Variants in SASH1 observed in about 807,000 individuals in gnomAD.
SASH1 encodes SAM and SH3 domain containing 1.
Under a neutral mutation model 125.2 loss-of-function variants are expected in SASH1, and 44 were observed. The observed-to-expected ratio is 0.35, with a 90% CI of 0.28 to 0.45. SASH1 has a LOEUF of 0.45. SASH1 is among the 20% of genes least tolerant of loss of function. The probability of loss-of-function intolerance (pLI) is 1.00; values close to 1 mark genes in which losing one functional copy is unlikely to be tolerated. For missense variants in SASH1, 1,426 were observed against 1,614.5 expected (o/e 0.88, Z 2.00); for synonymous variants, 639 against 649.1 (o/e 0.98, Z 0.24).
intron 17 of SASH1, among the ~76,000 whole-genome samples, chr6:148,542,928 T>C (rs1782320457): frequency 6.6e-6 from 1 of 152,154 alleles, no homozygotes; most frequent in South Asian, 2.1e-4. Context: ...CAGCACATTG[T>C]CTGGCCCATG....
intron 4 of SASH1, among the ~76,000 whole-genome samples, chr6:148,446,978 C>A (rs1326747906): frequency 6.6e-6 from 1 of 152,152 alleles, no homozygotes; most frequent in Non-Finnish European, 1.5e-5. Flanking sequence ...AAATCGTGTT[C>A]GTTAGCATCA....
chr6:148,531,579 C>T lies in SASH1; in HGVS notation c.1482C>T (p.Pro494=), dbSNP rs201382887. ...PGSPPPSQPD[P]EHLDKPKLKA... Reference sequence around the variant, plus strand: ...CCCCTCCGCCTTCACAGCCCGACCCCGAACACTTGGACAAGCCCAAGCTCA... The same window carrying T: ...CCCCTCCGCCTTCACAGCCCGACCCTGAACACTTGGACAAGCCCAAGCTCA... The change falls in exon 13 of 20, where the codon CCC becomes CCT. Residue 494 remains proline, a synonymous_variant. Transcript: ENST00000367467. The T allele has an allele frequency of 4.6e-5, 73 of 1,575,534 alleles. No individual in the cohort carries two copies. The highest frequency in any genetic ancestry group is 6.0e-5 in the Non-Finnish European group (70 of 1,159,990).
chr6:148,438,191 G>A (rs776758575), intron 2 of SASH1, among the ~76,000 whole-genome samples: 5 of 152,154 alleles, frequency 3.3e-5, no homozygotes, highest in African/African-American at 4.8e-5. Flanking sequence ...ATCACTCTGA[G>A]TTCTCTGTAC....
intron 10 of SASH1, chr6:148,520,231 T>A: frequency 4.0e-6 from 1 of 248,638 alleles, no homozygotes. Flanking sequence ...ACCCAGCTAG[T>A]GCGGCCTGCC....
intron 1 of SASH1, among the ~76,000 whole-genome samples, chr6:148,328,373 TC>T (rs1474378137): frequency 6.6e-6 from 1 of 152,072 alleles, no homozygotes; most frequent in African/African-American, 2.4e-5. Flanking sequence ...GGCAGGCAGA[TC>T]ACAAGGTCAG....
chr6:148,242,073 A>T, the SASH1 span, among the ~76,000 whole-genome samples: 17 of 152,328 alleles, frequency 1.1e-4, no homozygotes, highest in Non-Finnish European at 2.4e-4. Context: ...TTGGTGCCTT[A>T]GTTGTTTCCA....
intron 4 of SASH1, among the ~76,000 whole-genome samples, chr6:148,466,411 C>T (rs1158749843): frequency 6.6e-6 from 1 of 152,212 alleles, no homozygotes; most frequent in Non-Finnish European, 1.5e-5. Flanking sequence ...GGTCAGCCCA[C>T]ACCAGTGCAG....
At chr6:148,257,481 G>A in the SASH1 span, among the ~76,000 whole-genome samples, 13 of 152,130 alleles carry the variant, frequency 8.5e-5, no homozygotes, top group Admixed American at 2.0e-4. Flanking sequence ...GACTTCCGTC[G>A]CCAATTCCTT....
chr6:148,368,663 A>G (rs1295173645), intron 1 of SASH1, among the ~76,000 whole-genome samples: 1 of 152,124 alleles, frequency 6.6e-6, no homozygotes, highest in African/African-American at 2.4e-5. Flanking sequence ...GAAATGATGT[A>G]CAAGAATACC....
At chr6:148,368,760 GCA>G (rs1391322609) in intron 1 of SASH1, among the ~76,000 whole-genome samples, 34 of 14,950 alleles carry the variant, frequency 2.3e-3, no homozygotes, top group African/African-American at 6.5e-3. Flanking sequence ...ACATGCGCGC[GCA>G]CGCGCGCGCA....
At chr6:148,492,995 A>T (rs1367517221) in intron 8 of SASH1, among the ~76,000 whole-genome samples, 1 of 152,166 alleles carries the variant, frequency 6.6e-6, no homozygotes, top group African/African-American at 2.4e-5. Flanking sequence ...TCTTAGTTAG[A>T]CCTAGGGCCA....
rs3817930 is a variant in SASH1 at position 148,487,276 on chromosome 6, G to A, written c.628-338G>A. ...ATTACAGACAATTTCTTTATAATCA[G>A]GCTGAGGAAACAGAAGTTTTGATGT... On this transcript the variant is annotated intron_variant, in intron 7 of 19. Transcript: ENST00000367467. Among the ~76,000 whole-genome samples, 108,146 of 151,220 alleles carry A rather than the reference G, an allele frequency of 0.72. 39,195 individuals are homozygous for A. The highest frequency in any genetic ancestry group is 0.83 in the African/African-American group (34,230 of 41,228).
chr6:148,377,423 T>C (rs912666406), intron 1 of SASH1, among the ~76,000 whole-genome samples: 2 of 152,202 alleles, frequency 1.3e-5, no homozygotes, highest in African/African-American at 2.4e-5. Context: ...TGTGAGACTT[T>C]AATTAAGCCC....
At chr6:148,511,197 C>T (rs1431866531) in intron 8 of SASH1, among the ~76,000 whole-genome samples, 2 of 150,178 alleles carry the variant, frequency 1.3e-5, no homozygotes, top group African/African-American at 4.9e-5. Context: ...CGCTTTTTTC[C>T]TCTGGACTCA....
chr6:148,209,703 T>C, the SASH1 span, among the ~76,000 whole-genome samples: 72 of 152,300 alleles, frequency 4.7e-4, no homozygotes, highest in African/African-American at 1.7e-3. Context: ...AAATGCATTT[T>C]AGCACCTCTC....
intron 2 of SASH1, among the ~76,000 whole-genome samples, chr6:148,421,445 A>G (rs1418267814): frequency 1.3e-5 from 2 of 152,242 alleles, no homozygotes; most frequent in Admixed American, 1.3e-4. Flanking sequence ...CTGGGACTAC[A>G]GGCCTGTGCC....
intron 4 of SASH1, among the ~76,000 whole-genome samples, chr6:148,450,447 T>G (rs899926887): frequency 6.6e-6 from 1 of 152,150 alleles, no homozygotes; most frequent in Non-Finnish European, 1.5e-5. Flanking sequence ...TTTCATGCAT[T>G]GGAAGCATTT....
intron 2 of SASH1, among the ~76,000 whole-genome samples, chr6:148,402,175 C>T (rs1784194847): frequency 6.6e-6 from 1 of 152,182 alleles, no homozygotes; most frequent in Non-Finnish European, 1.5e-5. Flanking sequence ...AGTTTCACTT[C>T]ACATGTCTAA....
rs374374360 is a variant in SASH1 at position 148,544,101 on chromosome 6, G to A, written c.2631G>A (p.Thr877=). 4.2e-5 allele frequency: 68 copies of A among 1,613,908 alleles called. No individual in the cohort carries two copies. Among genetic ancestry groups the A allele is most frequent in the Middle Eastern group, 1.6e-4 (1 of 6,084 alleles). ...EVPQKTTASS[T]KAQPLEQDSA... is the part of the protein sequence containing the mutation. ...CACAGAAGACGACCGCCTCTTCCACGAAGGCCCAGCCCCTGGAGCAAGACT... is the reference window on the plus strand; with the variant it reads ...CACAGAAGACGACCGCCTCTTCCACAAAGGCCCAGCCCCTGGAGCAAGACT... The change falls in exon 18 of 20, where the codon ACG becomes ACA. Residue 877 remains threonine, a synonymous_variant. Coordinates refer to ENST00000367467, the MANE Select transcript of SASH1 (RefSeq NM_015278.5). This position sits in a 1 kb window ranked among gnomAD's most constrained non-coding sequence, Gnocchi z 6.4.
Sources: gnomAD v4.1 joint callset for allele counts (sites outside exome capture counted in the v4.1 genomes callset) on GRCh38, gnomAD v4.1.1 for gene constraint, Gnocchi (gnomAD v3.1) non-coding constraint, MANE v1.5 for transcripts, NCBI Gene and HGNC (gene_info 2026-07-23, HGNC 2026-07-21) for gene names.